The following NCK2 variants were observed in gnomAD, a reference collection of about 807,000 sequenced individuals.
The protein encoded by NCK2 is NCK adaptor protein 2.
A neutral mutation model predicts 33.9 loss-of-function variants in NCK2; 16 were observed. The observed-to-expected ratio is 0.47, with a 90% confidence interval of 0.32 to 0.72. The LOEUF is 0.72. Among genes scored for constraint, NCK2 ranks in the 30% least tolerant of loss-of-function variants. The pLI, the probability that NCK2 is intolerant of heterozygous loss-of-function variation, is 0.03. For synonymous variants in NCK2, 273 were observed against 239.9 expected (o/e 1.14, Z -1.27); for missense variants, 418 against 537.3 (o/e 0.78, Z 2.19).
intron 1 of NCK2, among the ~76,000 whole-genome samples, chr2:105,768,350 G>A (rs1377234785): frequency 2.6e-5 from 4 of 152,162 alleles, no homozygotes; most frequent in Non-Finnish European, 4.4e-5. Context: ...CCCTAATTTG[G>A]TTCAGTTCTG....
At chr2:105,786,677 C>G (rs371594928) in intron 1 of NCK2, among the ~76,000 whole-genome samples, 15 of 152,204 alleles carry the variant, frequency 9.9e-5, no homozygotes, top group African/African-American at 3.4e-4. Context: ...TGGCCTGACT[C>G]TCCTGGGTCC....
intron 3 of NCK2, among the ~76,000 whole-genome samples, chr2:105,880,340 G>T (rs1275512342): frequency 2.0e-5 from 3 of 152,192 alleles, no homozygotes; most frequent in Non-Finnish European, 4.4e-5. Context: ...ATTTGCCTTC[G>T]ATTGAAGGTA....
intron 3 of NCK2, among the ~76,000 whole-genome samples, chr2:105,870,403 G>T (rs933144501): frequency 6.6e-6 from 1 of 152,198 alleles, no homozygotes; most frequent in African/African-American, 2.4e-5. Flanking sequence ...TCCTGAACTT[G>T]GGGATTTTGA....
chr2:105,863,970 G>A (rs1031629905), intron 3 of NCK2, among the ~76,000 whole-genome samples: 11 of 147,994 alleles, frequency 7.4e-5, no homozygotes, highest in Admixed American at 2.0e-4. Context: ...GAGACTTGGC[G>A]AGGGGGGGTG....
chr2:105,810,989 C>T (rs577918839), intron 1 of NCK2, among the ~76,000 whole-genome samples: 4 of 152,146 alleles, frequency 2.6e-5, no homozygotes, highest in Admixed American at 2.0e-4. Flanking sequence ...TCCTGGCCAA[C>T]ATGGTGAAAC....
chr2:105,814,809 AG>A (rs1240818485), intron 1 of NCK2, among the ~76,000 whole-genome samples: 2 of 152,220 alleles, frequency 1.3e-5, no homozygotes, highest in African/African-American at 2.4e-5. Context: ...CAGGGCACAC[AG>A]GGGGGAGGCC....
intron 1 of NCK2, among the ~76,000 whole-genome samples, chr2:105,749,936 A>C (rs1305787584): frequency 6.6e-6 from 1 of 151,966 alleles, no homozygotes; most frequent in Non-Finnish European, 1.5e-5. Context: ...AGGCTGAGTC[A>C]CGCGAATTGC....
intron 1 of NCK2, among the ~76,000 whole-genome samples, chr2:105,764,087 G>A (rs1558825831): frequency 6.6e-6 from 1 of 152,264 alleles, no homozygotes; most frequent in East Asian, 1.9e-4. Context: ...AGATGGAGAA[G>A]CTAAGCAATT....
intron 2 of NCK2, among the ~76,000 whole-genome samples, chr2:105,818,406 AC>A (rs1315630013): frequency 6.6e-6 from 1 of 151,858 alleles, no homozygotes; most frequent in Admixed American, 6.6e-5. Context: ...TTGCACATGT[AC>A]CCTAGAACTT....
chr2:105,861,216 G>A (rs1378844616), intron 3 of NCK2, among the ~76,000 whole-genome samples: 1 of 152,106 alleles, frequency 6.6e-6, no homozygotes, highest in Non-Finnish European at 1.5e-5. Flanking sequence ...ATTTTAAGTG[G>A]ACTAACAAAT....
At chr2:105,851,936 G>C (rs1010499162) in intron 2 of NCK2, 2 of 152,276 alleles carry the variant, frequency 1.3e-5, no homozygotes, top group African/African-American at 4.8e-5. Flanking sequence ...TTAAATTGAT[G>C]GGGGCTGTCA....
At chr2:105,801,916 T>G (rs1674856429) in intron 1 of NCK2, among the ~76,000 whole-genome samples, 1 of 152,140 alleles carries the variant, frequency 6.6e-6, no homozygotes, top group Admixed American at 6.5e-5. Context: ...CCAGTGTGCA[T>G]TCACCAGCTC....
chr2:105,871,721 C>T (rs1678018890), intron 3 of NCK2, among the ~76,000 whole-genome samples: 1 of 152,084 alleles, frequency 6.6e-6, no homozygotes, highest in South Asian at 2.1e-4. Context: ...TCTTGAACTC[C>T]TGACCTCAAG....
At chr2:105,768,276 C>A (rs1332916696) in intron 1 of NCK2, among the ~76,000 whole-genome samples, 1 of 152,200 alleles carries the variant, frequency 6.6e-6, no homozygotes, top group African/African-American at 2.4e-5. Flanking sequence ...TGCTCAGTGG[C>A]CGCGTGTGGC....
chr2:105,758,083 T>A (rs1212378640), intron 1 of NCK2, among the ~76,000 whole-genome samples: 2 of 152,200 alleles, frequency 1.3e-5, no homozygotes, highest in Non-Finnish European at 2.9e-5. Flanking sequence ...TCTACTTACA[T>A]GTTGTTTATT....
intron 3 of NCK2, among the ~76,000 whole-genome samples, chr2:105,858,240 G>A (rs1052135530): frequency 6.6e-5 from 10 of 152,060 alleles, no homozygotes; most frequent in African/African-American, 2.2e-4. Flanking sequence ...TACACCACAT[G>A]TATACTGACC....
At chr2:105,758,694 C>T (rs1689670815) in intron 1 of NCK2, among the ~76,000 whole-genome samples, 1 of 152,156 alleles carries the variant, frequency 6.6e-6, no homozygotes, top group Non-Finnish European at 1.5e-5. Context: ...AGGTTTGAGC[C>T]ACTGAGCCCG....
upstream of NCK2, among the ~76,000 whole-genome samples, chr2:105,744,463 G>T (rs920759345): frequency 3.0e-4 from 45 of 152,280 alleles, no homozygotes; most frequent in African/African-American, 9.1e-4. Flanking sequence ...TTCGTGATAA[G>T]AACAACGAAC....
At chr2:105,883,928 C>G (rs561487184) in intron 4 of NCK2, among the ~76,000 whole-genome samples, 1 of 152,316 alleles carries the variant, frequency 6.6e-6, no homozygotes, top group African/African-American at 2.4e-5. Context: ...CTGGGACTTG[C>G]ATCGGCTCTG....
Sources: gnomAD v4.1 joint callset for allele counts (sites outside exome capture counted in the v4.1 genomes callset) on GRCh38, gnomAD v4.1.1 for gene constraint, MANE v1.5 for transcripts, NCBI Gene and HGNC (gene_info 2026-07-23, HGNC 2026-07-21) for gene names.